The following SHTN1 variants were observed in gnomAD, a reference collection of about 807,000 sequenced individuals.
SHTN1 encodes the protein shootin-1.
SHTN1 carries 42 observed loss-of-function variants against 83.1 expected under a neutral mutation model. That is an observed-to-expected ratio of 0.51 (90% CI 0.39 to 0.65). SHTN1 has a LOEUF of 0.65. SHTN1 is among the 30% of genes least tolerant of loss of function. The probability of loss-of-function intolerance (pLI) is 0.00; values close to 1 mark genes in which losing one functional copy is unlikely to be tolerated. For synonymous variants in SHTN1, 224 were observed against 247.7 expected (o/e 0.90, Z 0.90); for missense variants, 622 against 737.8 (o/e 0.84, Z 1.82).
intron 2 of SHTN1, among the ~76,000 whole-genome samples, chr10:117,032,445 C>T (rs566090854): frequency 3.9e-5 from 6 of 152,216 alleles, no homozygotes; most frequent in African/African-American, 1.4e-4. Flanking sequence ...ACTTTTTGAT[C>T]TGCCCGCCTC....
At chr10:116,988,617 T>C (rs1025536449) in intron 1 of SHTN1, among the ~76,000 whole-genome samples, 35 of 152,032 alleles carry the variant, frequency 2.3e-4, no homozygotes, top group African/African-American at 7.5e-4. Flanking sequence ...GACATGATTA[T>C]AGCTCAATGT....
intron 16 of SHTN1, among the ~76,000 whole-genome samples, chr10:116,899,960 C>A (rs9421257): frequency 0.018 from 2,768 of 152,256 alleles, 76 homozygotes; most frequent in African/African-American, 0.065. Context: ...CATGTAACTA[C>A]ATTAAGTTAA....
chr10:116,935,347 C>T (rs894554590), intron 9 of SHTN1, among the ~76,000 whole-genome samples: 2 of 152,176 alleles, frequency 1.3e-5, no homozygotes, highest in Non-Finnish European at 2.9e-5. Flanking sequence ...CCATCAATAT[C>T]TAGTTTACTA....
intron 2 of SHTN1, among the ~76,000 whole-genome samples, chr10:117,045,089 T>C (rs1852641904): frequency 6.6e-6 from 1 of 152,190 alleles, no homozygotes; most frequent in East Asian, 1.9e-4. Context: ...AGCCTTTCTA[T>C]AAGAAATGGA....
intron 1 of SHTN1, among the ~76,000 whole-genome samples, chr10:117,098,396 CAAAAAAAAAA>C (rs11321262): frequency 3.3e-5 from 2 of 61,068 alleles, no homozygotes; most frequent in Non-Finnish European, 3.2e-5. Flanking sequence ...CACTCCGTCT[CAAAAAAAAAA>C]AAAAAAAAAA....
intron 2 of SHTN1, among the ~76,000 whole-genome samples, chr10:116,979,010 C>T (rs1393708139): frequency 6.6e-6 from 1 of 152,214 alleles, no homozygotes; most frequent in Non-Finnish European, 1.5e-5. Flanking sequence ...TGGTGCCTTG[C>T]TGCACATTTA....
chr10:116,928,285 T>C (rs967612988), intron 10 of SHTN1, among the ~76,000 whole-genome samples: 4 of 152,172 alleles, frequency 2.6e-5, no homozygotes, highest in African/African-American at 9.7e-5. Flanking sequence ...AAGATGACAT[T>C]TAGTAATGAA....
At chr10:116,931,402 C>A (rs1848959737) in intron 9 of SHTN1, among the ~76,000 whole-genome samples, 1 of 152,098 alleles carries the variant, frequency 6.6e-6, no homozygotes, top group East Asian at 1.9e-4. Flanking sequence ...GCACATGTCA[C>A]CACACCCGGC....
intron 1 of SHTN1, among the ~76,000 whole-genome samples, chr10:117,107,032 A>G (rs151152988): frequency 1.3e-5 from 2 of 152,270 alleles, no homozygotes; most frequent in Non-Finnish European, 2.9e-5. Flanking sequence ...TAATGAAGGT[A>G]TCTTTAAAGA....
intron 10 of SHTN1, among the ~76,000 whole-genome samples, chr10:116,929,500 C>T (rs1272191359): frequency 2.0e-5 from 3 of 152,138 alleles, no homozygotes; most frequent in Non-Finnish European, 4.4e-5. Context: ...AAAATGCACT[C>T]TAAGTGAACA....
At chr10:116,914,714 G>T (rs188572615) in intron 13 of SHTN1, among the ~76,000 whole-genome samples, 249 of 152,218 alleles carry the variant, frequency 1.6e-3, no homozygotes, top group African/African-American at 5.7e-3. Flanking sequence ...CTATTATTGG[G>T]CTTATTTAAA....
intron 14 of SHTN1, among the ~76,000 whole-genome samples, chr10:116,907,289 A>C (rs1454822753): frequency 6.6e-6 from 1 of 152,212 alleles, no homozygotes; most frequent in Non-Finnish European, 1.5e-5. Context: ...GAAGGGCTGC[A>C]CTGAGCACAT....
Position 117,097,013 on chromosome 10 carries a change from GCACACACACACACATAGACACACACA to G in SHTN1, c.-189+29268_-189+29293del, listed in dbSNP as rs1441281954. 2.1e-5 allele frequency among the ~76,000 whole-genome samples: 3 copies of G among 141,760 alleles called. No homozygotes were observed. The East Asian group carries it at 6.2e-4, about 29-fold the overall frequency. The allele number at this position is 141,760 out of a possible 152,430, so 93.0% of individuals were successfully genotyped here. On this transcript the variant is annotated intron_variant, in intron 1 of 17. Transcript: ENST00000392901. ...CAAACACCCAAGCGCGCACGCGCGC[GCACACACACACACATAGACACACACA>G]CACACACACACACACACACACACAA...
rs564232192 is a variant in SHTN1, at chr10:116,962,929, C to A, written c.173-2699G>T. Among the ~76,000 whole-genome samples the A allele has an allele frequency of 4.0e-5, 6 of 149,260 alleles. No homozygotes were observed. The Admixed American group carries it at 4.1e-4, about 10-fold the overall frequency. Reference sequence around the variant, plus strand: ...AGTATATTTCAAAGGGTGATTATATCTTTAAAAAGCATGACCCCATTTCCA... The same window carrying A: ...AGTATATTTCAAAGGGTGATTATATATTTAAAAAGCATGACCCCATTTCCA... On this transcript the variant is annotated intron_variant, in intron 3 of 16. Transcript: ENST00000355371.
At chr10:117,046,395 A>G (rs938904671) in intron 2 of SHTN1, among the ~76,000 whole-genome samples, 1 of 152,214 alleles carries the variant, frequency 6.6e-6, no homozygotes, top group African/African-American at 2.4e-5. Context: ...GAGAATGTGG[A>G]GAAATTGGAA....
Position 116,927,814 on chromosome 10 carries a change from G to A in SHTN1, c.1090C>T (p.Pro364Ser). Reference sequence around the variant, plus strand: ...TACCGGATAGGATTGGGAGGTGGAGGGGGAAGTGGTGGTGGAGGAGGAGGT... The same window carrying A: ...TACCGGATAGGATTGGGAGGTGGAGAGGGAAGTGGTGGTGGAGGAGGAGGT... ...PPPPPPPPLP[P>S]PPPNPIRSLM... The change falls in exon 11 of 17, where the codon CCT becomes TCT. Residue 364 changes from proline to serine, a missense_variant. Coordinates refer to ENST00000355371, the MANE Select transcript of SHTN1 (RefSeq NM_001127211.3). 2 of 1,600,320 alleles carry A rather than the reference G, an allele frequency of 1.2e-6. No individual in the cohort carries two copies. The highest frequency in any genetic ancestry group is 1.7e-6 in the Non-Finnish European group (2 of 1,174,492).
At chr10:116,963,376 TAA>T (rs928750955) in intron 3 of SHTN1, among the ~76,000 whole-genome samples, 12 of 151,442 alleles carry the variant, frequency 7.9e-5, no homozygotes, top group African/African-American at 2.9e-4. Context: ...CCGGCCATAA[TAA>T]AAGTTTTTTA....
At position 116,940,459 on chromosome 10, in the gene SHTN1, G is replaced by A. The variant is rs767702311; in HGVS notation, c.858+7C>T. On this transcript the variant is annotated splice_region_variant and intron_variant, in intron 9 of 16. Coordinates refer to ENST00000355371, the MANE Select transcript of SHTN1 (RefSeq NM_001127211.3). The stretch of plus-strand genomic sequence containing the variant: ...TGTACCTAAGATTCCAGAAGAAAAT[G>A]GGTTACCTTTTGTTGATGCTGAATT... The A allele has an allele frequency of 1.8e-5, 29 of 1,613,126 alleles. No individual in the cohort carries two copies. Among genetic ancestry groups the A allele is most frequent in the Non-Finnish European group, 2.4e-5 (28 of 1,179,542 alleles).
intron 8 of SHTN1, 69 bp from the exon 9 acceptor site, chr10:116,940,681 CAAAAG>C: frequency 6.3e-6 from 8 of 1,265,354 alleles, no homozygotes; most frequent in Admixed American, 2.7e-5. Context: ...GTAACTTCAG[CAAAAG>C]AAAAGTACAT....
Sources: allele counts gnomAD v4.1 joint callset (sites outside exome capture counted in the v4.1 genomes callset), GRCh38; gene constraint gnomAD v4.1.1; transcripts MANE v1.5; gene names NCBI Gene and HGNC (gene_info 2026-07-23, HGNC 2026-07-21).